The following KCNJ3 variants were observed in gnomAD, a reference collection of about 807,000 sequenced individuals.
KCNJ3 encodes potassium inwardly rectifying channel subfamily J member 3.
KCNJ3 carries 4 observed loss-of-function variants against 39.2 expected under a neutral mutation model. The ratio of observed to expected loss-of-function variants is 0.10; its 90% confidence interval spans 0.05 to 0.23. The LOEUF (loss-of-function observed/expected upper bound fraction) is 0.23. Among genes scored for constraint, KCNJ3 ranks in the 10% least tolerant of loss-of-function variants. KCNJ3 has a pLI of 1.00. For synonymous variants in KCNJ3, 230 were observed against 237.4 expected (o/e 0.97, Z 0.29); for missense variants, 276 against 634.9 (o/e 0.43, Z 6.08).
intron 2 of KCNJ3, among the ~76,000 whole-genome samples, chr2:154,769,871 G>A (rs1435236388): frequency 6.6e-6 from 1 of 151,972 alleles, no homozygotes; most frequent in Non-Finnish European, 1.5e-5. Flanking sequence ...ACAGAAATGG[G>A]TGGAAGGAAA....
chr2:154,848,587 C>G (rs912555975), intron 2 of KCNJ3, among the ~76,000 whole-genome samples: 3 of 152,122 alleles, frequency 2.0e-5, no homozygotes, highest in Non-Finnish European at 4.4e-5. Flanking sequence ...CATGTAATAG[C>G]AGCTACAATA....
chr2:154,833,888 A>AAAT (rs1226854623), intron 2 of KCNJ3, among the ~76,000 whole-genome samples: 1 of 151,904 alleles, frequency 6.6e-6, no homozygotes, highest in East Asian at 1.9e-4. Flanking sequence ...TTTTATTACT[A>AAAT]AATAATAATT....
intron 2 of KCNJ3, among the ~76,000 whole-genome samples, chr2:154,748,317 G>A (rs1202565424): frequency 6.6e-6 from 1 of 151,700 alleles, no homozygotes; most frequent in Non-Finnish European, 1.5e-5. Flanking sequence ...CATGTGCTAG[G>A]GATATAGTGG....
intron 2 of KCNJ3, among the ~76,000 whole-genome samples, chr2:154,752,905 G>A (rs1355907673): frequency 6.6e-6 from 1 of 151,900 alleles, no homozygotes; most frequent in Non-Finnish European, 1.5e-5. Flanking sequence ...AAACAATTAC[G>A]TGAAACAAAA....
intron 2 of KCNJ3, among the ~76,000 whole-genome samples, chr2:154,787,307 A>G (rs1408021921): frequency 6.6e-6 from 1 of 152,120 alleles, no homozygotes; most frequent in African/African-American, 2.4e-5. Context: ...TGTCTTGAAA[A>G]AATTAATTTT....
chr2:154,820,413 T>G (rs1036276478), intron 2 of KCNJ3, among the ~76,000 whole-genome samples: 1 of 152,182 alleles, frequency 6.6e-6, no homozygotes, highest in African/African-American at 2.4e-5. Context: ...CATTTTTAAC[T>G]AAAATATTTC....
At chr2:154,753,031 T>C (rs1375897949) in intron 2 of KCNJ3, among the ~76,000 whole-genome samples, 3 of 152,096 alleles carry the variant, frequency 2.0e-5, no homozygotes, top group Admixed American at 2.0e-4. Context: ...CAATCCTATT[T>C]GGTTAGCATT....
rs531907695 is a variant in KCNJ3, at chr2:154,838,755, A to G, written c.920-15972A>G. Among the ~76,000 whole-genome samples, 144 of 152,350 alleles carry G rather than the reference A, an allele frequency of 9.5e-4. 1 individual carries two copies. The highest frequency in any genetic ancestry group is 3.4e-3 in the African/African-American group (140 of 41,584). On this transcript the variant is annotated intron_variant, in intron 2 of 2. Coordinates refer to ENST00000295101, the MANE Select transcript of KCNJ3 (RefSeq NM_002239.4). Reference sequence around the variant, plus strand: ...AGCAAGGCTTTAGTAATCTTTGAAAACAGAAATTAACCTAAGTATTTGATT... The same window carrying G: ...AGCAAGGCTTTAGTAATCTTTGAAAGCAGAAATTAACCTAAGTATTTGATT...
At chr2:154,797,495 GA>G (rs1215968829) in intron 2 of KCNJ3, among the ~76,000 whole-genome samples, 3 of 152,014 alleles carry the variant, frequency 2.0e-5, no homozygotes, top group African/African-American at 7.2e-5. Context: ...GGTATCTGAT[GA>G]TTTTAGCCAT....
At chr2:154,811,776 A>C (rs1200218069) in intron 2 of KCNJ3, among the ~76,000 whole-genome samples, 1 of 152,174 alleles carries the variant, frequency 6.6e-6, no homozygotes, top group Non-Finnish European at 1.5e-5. Context: ...ATCTTAGGGA[A>C]ATGGGATAGA....
intron 2 of KCNJ3, among the ~76,000 whole-genome samples, chr2:154,737,410 G>T (rs1176399524): frequency 6.6e-6 from 1 of 152,138 alleles, no homozygotes; most frequent in Admixed American, 6.6e-5. Context: ...ACAATGTAAA[G>T]TTCACAGTTT....
chr2:154,715,828 A>C (rs368837106), intron 2 of KCNJ3, among the ~76,000 whole-genome samples: 1 of 152,150 alleles, frequency 6.6e-6, no homozygotes, highest in Middle Eastern at 3.2e-3. Context: ...TAGTTTATAT[A>C]TCTATCTCAA....
At chr2:154,806,923 G>A (rs896818086) in intron 2 of KCNJ3, among the ~76,000 whole-genome samples, 12 of 152,138 alleles carry the variant, frequency 7.9e-5, no homozygotes, top group Admixed American at 7.2e-4. Context: ...GATTCCACGG[G>A]TTTCACCTTG....
chr2:154,800,348 G>A (rs1431422746), intron 2 of KCNJ3, among the ~76,000 whole-genome samples: 3 of 152,128 alleles, frequency 2.0e-5, no homozygotes, highest in Non-Finnish European at 2.9e-5. Context: ...AAATATGGAC[G>A]TGATTTTAAA....
chr2:154,804,823 T>C (rs1237766592), intron 2 of KCNJ3, among the ~76,000 whole-genome samples: 1 of 152,194 alleles, frequency 6.6e-6, no homozygotes, highest in South Asian at 2.1e-4. Context: ...TCCTCTGACA[T>C]GCTCCTAAAC....
intron 2 of KCNJ3, among the ~76,000 whole-genome samples, chr2:154,736,509 G>A (rs896749735): frequency 2.0e-5 from 3 of 150,634 alleles, no homozygotes; most frequent in Non-Finnish European, 4.4e-5. Context: ...AAACAAACCT[G>A]ACATTGGATT....
At chr2:154,717,376 TAGAA>T (rs1685199397) in intron 2 of KCNJ3, among the ~76,000 whole-genome samples, 1 of 152,142 alleles carries the variant, frequency 6.6e-6, no homozygotes, top group Non-Finnish European at 1.5e-5. Flanking sequence ...ATTGGTGTGA[TAGAA>T]AGATGCCTCT....
At chr2:154,735,330 G>A (rs1236536930) in intron 2 of KCNJ3, among the ~76,000 whole-genome samples, 1 of 149,582 alleles carries the variant, frequency 6.7e-6, no homozygotes, top group Non-Finnish European at 1.5e-5. Flanking sequence ...TAGCCAGGAT[G>A]GTCTGGATTT....
chr2:154,828,757 G>T (rs941519111), intron 2 of KCNJ3, among the ~76,000 whole-genome samples: 1 of 152,060 alleles, frequency 6.6e-6, no homozygotes, highest in Non-Finnish European at 1.5e-5. Context: ...ATGCCTTTGG[G>T]TATGTAAAGT....
Sources: gnomAD v4.1 joint callset for allele counts (sites outside exome capture counted in the v4.1 genomes callset) on GRCh38, gnomAD v4.1.1 for gene constraint, MANE v1.5 for transcripts, NCBI Gene and HGNC (gene_info 2026-07-23, HGNC 2026-07-21) for gene names.